Variants in HERC3 observed in about 807,000 individuals in gnomAD.
HERC3 encodes the protein probable E3 ubiquitin-protein ligase HERC3.
HERC3 carries 58 observed loss-of-function variants against 129.9 expected under a neutral mutation model. The observed-to-expected ratio is 0.45, with a 90% CI of 0.36 to 0.56. The LOEUF (loss-of-function observed/expected upper bound fraction) is 0.56. Ranked by LOEUF, HERC3 falls within the 20% of genes least tolerant of loss-of-function variation. HERC3 has a pLI of 0.00. For synonymous variants in HERC3, 430 were observed against 451.0 expected (o/e 0.95, Z 0.59); for missense variants, 835 against 1,244.2 (o/e 0.67, Z 4.95).
chr4:88,537,040 T>C, the HERC3 span, among the ~76,000 whole-genome samples: 9 of 152,126 alleles, frequency 5.9e-5, no homozygotes, highest in African/African-American at 2.2e-4. Context: ...AGACATGAGG[T>C]TCATTTACAC....
At chr4:88,599,476 T>G (rs1450075901) in intron 2 of HERC3, among the ~76,000 whole-genome samples, 2 of 152,206 alleles carry the variant, frequency 1.3e-5, no homozygotes, top group Non-Finnish European at 2.9e-5. Flanking sequence ...CTTTTTATTA[T>G]CTTTTTTCAT....
At chr4:88,595,815 C>T (rs937775173) in intron 2 of HERC3, among the ~76,000 whole-genome samples, 25 of 133,926 alleles carry the variant, frequency 1.9e-4, no homozygotes, top group Admixed American at 3.8e-4. Context: ...GACCTGGTTT[C>T]TGGTCTCTGC....
chr4:88,682,929 A>C (rs538223530), intron 21 of HERC3, among the ~76,000 whole-genome samples: 31 of 152,292 alleles, frequency 2.0e-4, no homozygotes, highest in Non-Finnish European at 3.8e-4. Flanking sequence ...ACTAGTTTAC[A>C]GTCCCATCAA....
At chr4:88,587,961 C>T (rs545127793), upstream of HERC3, among the ~76,000 whole-genome samples, 277 of 152,384 alleles carry the variant, frequency 1.8e-3, no homozygotes, top group Middle Eastern at 6.8e-3. Context: ...TCACGAAATA[C>T]TTCACTTCCT....
At chr4:88,582,333 C>T in the HERC3 span, among the ~76,000 whole-genome samples, 1 of 152,156 alleles carries the variant, frequency 6.6e-6, no homozygotes, top group Non-Finnish European at 1.5e-5. Flanking sequence ...CATCGGTCCT[C>T]TCCATAGACA....
At position 88,601,926 on chromosome 4, in the gene HERC3, G is replaced by C. The variant is rs565956164; in HGVS notation, c.-29-3869G>C. On this transcript the variant is annotated intron_variant, in intron 2 of 25. Transcript: ENST00000402738. ...AAAAAATTAGCCGGGCGTAGTGGCG[G>C]GCGCCTGTAGTCCCAGCTACTTGGG... is the stretch of plus-strand genomic sequence containing the variant. Among the ~76,000 whole-genome samples the C allele has an allele frequency of 3.2e-3, 381 of 119,850 alleles. 34 individuals are homozygous for C. Among genetic ancestry groups the C allele is most frequent in the Non-Finnish European group, 3.1e-3 (202 of 64,872 alleles). 78.6% of individuals were successfully genotyped at this position (119,850 alleles called of 152,430 possible).
chr4:88,641,061 A>G (rs752578120), intron 3 of HERC3, among the ~76,000 whole-genome samples: 7 of 152,218 alleles, frequency 4.6e-5, no homozygotes, highest in African/African-American at 7.2e-5. Context: ...GAGTCATAAT[A>G]CAAACATGAA....
chr4:88,548,293 G>A, the HERC3 span, among the ~76,000 whole-genome samples: 4 of 152,130 alleles, frequency 2.6e-5, no homozygotes, highest in African/African-American at 7.2e-5. Flanking sequence ...CAAAGCGGCT[G>A]CACCATTTTA....
At chr4:88,595,232 A>G (rs1722234846) in intron 1 of HERC3, among the ~76,000 whole-genome samples, 1 of 152,198 alleles carries the variant, frequency 6.6e-6, no homozygotes, top group Admixed American at 6.5e-5. Context: ...TATTTTCCAA[A>G]ATTTTCTCTA....
At chr4:88,558,071 C>CAAAAAAAAAAAAAA in the HERC3 span, among the ~76,000 whole-genome samples, 1 of 39,150 alleles carries the variant, frequency 2.6e-5, no homozygotes, top group Non-Finnish European at 6.6e-5. Context: ...GACTCTGACT[C>CAAAAAAAAAAAAAA]AAAAAAAAAA....
At chr4:88,541,482 C>T in the HERC3 span, among the ~76,000 whole-genome samples, 4 of 152,150 alleles carry the variant, frequency 2.6e-5, no homozygotes, top group Non-Finnish European at 5.9e-5. Flanking sequence ...GACTCCCACA[C>T]AATAACAATG....
intron 10 of HERC3, among the ~76,000 whole-genome samples, 195 bp downstream of exon 10, chr4:88,658,686 TG>T (rs1365832060): frequency 1.3e-5 from 2 of 152,218 alleles, no homozygotes; most frequent in Non-Finnish European, 2.9e-5. Context: ...ACAATTCTCC[TG>T]GAATTATGGA....
intron 3 of HERC3, among the ~76,000 whole-genome samples, chr4:88,624,099 G>A (rs1725834257): frequency 6.6e-6 from 1 of 152,152 alleles, no homozygotes; most frequent in South Asian, 2.1e-4. Context: ...CCACATTGTT[G>A]CACATGTCAG....
At chr4:88,634,622 C>T (rs990828831) in intron 3 of HERC3, among the ~76,000 whole-genome samples, 2 of 151,966 alleles carry the variant, frequency 1.3e-5, no homozygotes, top group South Asian at 2.1e-4. Context: ...AGCACACCCC[C>T]TCCACCAAGA....
At chr4:88,543,845 G>C in the HERC3 span, among the ~76,000 whole-genome samples, 1 of 152,098 alleles carries the variant, frequency 6.6e-6, no homozygotes, top group Admixed American at 6.5e-5. Context: ...AATAAATGGC[G>C]TTGGGAAAAC....
chr4:88,532,717 TA>T, the HERC3 span, among the ~76,000 whole-genome samples: 1 of 152,128 alleles, frequency 6.6e-6, no homozygotes, highest in Non-Finnish European at 1.5e-5. Context: ...TCAGAATTAC[TA>T]AAAAGAATGA....
chr4:88,595,801 A>G (rs549541061), intron 2 of HERC3, among the ~76,000 whole-genome samples, 187 bp downstream of exon 2: 11 of 146,588 alleles, frequency 7.5e-5, no homozygotes, highest in African/African-American at 2.5e-4. Context: ...CCCAAGAAGT[A>G]GGAGACCTGG....
At chr4:88,579,515 T>C in the HERC3 span, among the ~76,000 whole-genome samples, 1 of 152,118 alleles carries the variant, frequency 6.6e-6, no homozygotes, top group Non-Finnish European at 1.5e-5. Flanking sequence ...AAGAACTAAG[T>C]TTTAATGAAT....
chr4:88,670,344 G>A, intron 16 of HERC3, 92 bp downstream of exon 16: 2 of 807,878 alleles, frequency 2.5e-6, no homozygotes, highest in South Asian at 1.7e-5. Context: ...TTTGATGTCA[G>A]TGTGTCACCT....
Sources: gnomAD v4.1 joint callset for allele counts (sites outside exome capture counted in the v4.1 genomes callset) on GRCh38, gnomAD v4.1.1 for gene constraint, MANE v1.5 for transcripts, NCBI Gene and HGNC (gene_info 2026-07-23, HGNC 2026-07-21) for gene names.